Variants in DFFB observed in about 807,000 individuals in gnomAD.
DFFB encodes the protein DNA fragmentation factor 40 kDa subunit.
Under a neutral mutation model 32.7 loss-of-function variants are expected in DFFB, and 29 were observed. The ratio of observed to expected loss-of-function variants is 0.89; its 90% CI spans 0.66 to 1.21. The LOEUF (loss-of-function observed/expected upper bound fraction) is 1.21, where lower values mean the gene tolerates loss of function less well. Ranked by LOEUF, DFFB falls within the 50% of genes most tolerant of loss-of-function variation. The probability of loss-of-function intolerance (pLI) is 0.00; values close to 1 mark genes in which losing one functional copy is unlikely to be tolerated. For missense variants in DFFB, 398 were observed against 440.6 expected, an observed-to-expected ratio of 0.90 and a Z score of 0.87; for synonymous variants, 170 against 177.1, an observed-to-expected ratio of 0.96 and a Z score of 0.32.
At chr1:3,870,283 G>A (rs141219021) in intron 5 of DFFB, among the ~76,000 whole-genome samples, 38 of 152,312 alleles carry the variant, frequency 2.5e-4, no homozygotes, top group Non-Finnish European at 4.6e-4. Context: ...AACTTGAGGC[G>A]CCTCTTGGCG....
rs1638293938 is a variant in DFFB at position 3,884,295 on chromosome 1, C to G, written c.*554C>G. On this transcript the variant is annotated 3_prime_UTR_variant, in exon 7 of 7. Coordinates refer to ENST00000378209, the MANE Select transcript of DFFB (RefSeq NM_004402.4). ...ACGGGTCAGTAGGGATAAGAATTGTCTCTGGGCTGAGGAATTCTTCTGTTC... is the reference window on the plus strand; with the variant it reads ...ACGGGTCAGTAGGGATAAGAATTGTGTCTGGGCTGAGGAATTCTTCTGTTC... 1 of 156,764 alleles carries G rather than the reference C, an allele frequency of 6.4e-6. No homozygotes were observed. The highest frequency in any genetic ancestry group is 1.4e-5 in the Non-Finnish European group (1 of 70,750). The allele number at this position is 156,764 out of a possible 1,614,324, so 9.7% of individuals were successfully genotyped here. A position where few individuals can be genotyped will look rare whatever the true frequency, so the allele number is the denominator to read the frequency against.
Position 3,865,969 on chromosome 1 carries a change from G to A in DFFB, c.399G>A (p.Glu133=), listed in dbSNP as rs758272319. 1.3e-5 allele frequency: 21 copies of A among 1,579,084 alleles called. No homozygotes were observed. The African/African-American group carries it at 2.8e-4, about 21-fold the overall frequency. Residue 133 remains glutamate, a synonymous_variant, in exon 3 of 7, where the codon GAG becomes GAA. Coordinates refer to ENST00000378209, the MANE Select transcript of DFFB (RefSeq NM_004402.4). This position sits in a 1 kb window ranked among gnomAD's most constrained non-coding sequence, Gnocchi z 4.7. The part of the protein sequence containing the change: ...LHNVSQNIAA[E]TRAEDPPWFE... The stretch of plus-strand genomic sequence containing the variant: ...ACGTCAGCCAGAACATCGCGGCCGA[G>A]ACCCGGGCTGAGGACCCGCCGTGGT...
chr1:3,861,532 G>A (rs1009248069), intron 2 of DFFB, among the ~76,000 whole-genome samples: 3 of 152,088 alleles, frequency 2.0e-5, no homozygotes, highest in Admixed American at 2.0e-4. Context: ...GGGCTCAAGC[G>A]ATCCTCCTAC....
rs1387920329 is a variant in DFFB at position 3,884,285 on chromosome 1, T to TAA, written c.*545_*546dup. 6.3e-6 allele frequency: 1 copy of TAA among 158,998 alleles called. No homozygotes were observed. Among genetic ancestry groups the TAA allele is most frequent in the Non-Finnish European group, 1.4e-5 (1 of 71,882 alleles). The allele number at this position is 158,998 out of a possible 1,614,324, so 9.8% of individuals were successfully genotyped here. On this transcript the variant is annotated 3_prime_UTR_variant, in exon 7 of 7. Transcript: ENST00000378209. ...ACCTGGTCATACGGGTCAGTAGGGA[T>TAA]AAGAATTGTCTCTGGGCTGAGGAAT...
chr1:3,872,970 TTA>T (rs1471548591), intron 6 of DFFB: 1 of 1,250,326 alleles, frequency 8.0e-7, no homozygotes, highest in African/African-American at 1.6e-5. Context: ...GCTCCTGGTG[TTA>T]TGATAGGTAA....
At position 3,884,756 on chromosome 1, in the gene DFFB, A is replaced by T. The variant is rs45463695; in HGVS notation, c.*1015A>T. On this transcript the variant is annotated 3_prime_UTR_variant, in exon 7 of 7. Coordinates refer to ENST00000378209, the MANE Select transcript of DFFB (RefSeq NM_004402.4). ...CAGCTAATTTTTGTATGTTTAGTAG[A>T]AACGGGGTTTCACCATGTTGGCCAG... 38,272 of 152,028 alleles carry T rather than the reference A, an allele frequency of 0.25. 5,261 individuals carry two copies. The highest frequency in any genetic ancestry group is 0.32 in the Non-Finnish European group (21,903 of 67,970). 9.4% of individuals were successfully genotyped at this position (152,028 alleles called of 1,614,324 possible). A position where few individuals can be genotyped will look rare whatever the true frequency, so the allele number is the denominator to read the frequency against.
intron 6 of DFFB, among the ~76,000 whole-genome samples, chr1:3,877,862 TATTCTGTGCCGG>T (rs1645256518): frequency 1.3e-5 from 2 of 152,166 alleles, no homozygotes; most frequent in Admixed American, 6.5e-5. Context: ...GCCGGCTTTC[TATTCTGTGCCGG>T]CTTTCTCTCG....
chr1:3,883,915 G>GT lies in DFFB; in HGVS notation c.*174_*175insT, dbSNP rs1166402282. 4.4e-4 allele frequency: 265 copies of GT among 603,646 alleles called. 1 individual carries two copies. The highest frequency in any genetic ancestry group is 9.5e-4 in the South Asian group (44 of 46,114). The allele number at this position is 603,646 out of a possible 1,614,324, so 37.4% of individuals were successfully genotyped here. On this transcript the variant is annotated 3_prime_UTR_variant, in exon 7 of 7. Coordinates refer to ENST00000378209, the MANE Select transcript of DFFB (RefSeq NM_004402.4). ...TTTCATTACATTTCTGAATTGTTGG[G>GT]GTTTTTTTTGTTGTTTTGTTTTGTT...
At position 3,868,571 on chromosome 1, in the gene DFFB, C is replaced by T. The variant is rs569876137; in HGVS notation, c.510+518C>T. 9.2e-5 allele frequency among the ~76,000 whole-genome samples: 14 copies of T among 152,224 alleles called. No individual in the cohort carries two copies. In the South Asian group the frequency reaches 2.7e-3, roughly 29 times the overall value. Reference sequence around the variant, plus strand: ...CCATCGAATGTGGATTTCCTCATCACATAGCATGACATGCCACGCTACACC... The same window carrying T: ...CCATCGAATGTGGATTTCCTCATCATATAGCATGACATGCCACGCTACACC... On this transcript the variant is annotated intron_variant, in intron 4 of 6. Transcript: ENST00000378209.
chr1:3,863,495 C>A (rs1644916689), intron 2 of DFFB, among the ~76,000 whole-genome samples: 1 of 152,214 alleles, frequency 6.6e-6, no homozygotes, highest in South Asian at 2.1e-4. Flanking sequence ...TGTGACCCAG[C>A]AGCTCCACTC....
chr1:3,875,494 C>A (rs150661794), intron 6 of DFFB, among the ~76,000 whole-genome samples: 1 of 152,308 alleles, frequency 6.6e-6, no homozygotes, highest in African/African-American at 2.4e-5. Context: ...CCTACACACT[C>A]GCCATCCGTG....
chr1:3,882,618 G>T (rs1025617031), intron 6 of DFFB, among the ~76,000 whole-genome samples: 13 of 152,146 alleles, frequency 8.5e-5, no homozygotes, highest in Admixed American at 3.3e-4. Flanking sequence ...GCACGCCTCA[G>T]CCTCCCAAAG....
At chr1:3,876,529 G>A (rs186411454) in intron 6 of DFFB, among the ~76,000 whole-genome samples, 3 of 152,362 alleles carry the variant, frequency 2.0e-5, no homozygotes, top group African/African-American at 7.2e-5. Flanking sequence ...ACAGTGGTCT[G>A]TTTGCCACAG....
rs559993369 is a variant in DFFB at position 3,881,905 on chromosome 1, T to G, written c.783-1602T>G. On this transcript the variant is annotated intron_variant, in intron 6 of 6. Transcript: ENST00000378209. ...AAAAGGCGACTTTTGCTCAGCATTT[T>G]GTGGGTTGTAGGGAGAGGGGTCTGC... Among the ~76,000 whole-genome samples the G allele has an allele frequency of 2.0e-5, 3 of 151,550 alleles. No individual in the cohort carries two copies. In the East Asian group the frequency reaches 5.8e-4, roughly 29 times the overall value.
chr1:3,880,670 C>T (rs541409698), intron 6 of DFFB, among the ~76,000 whole-genome samples: 2 of 151,636 alleles, frequency 1.3e-5, no homozygotes, highest in African/African-American at 2.4e-5. Flanking sequence ...CAGTGTGTCA[C>T]GGTGCCTTCA....
chr1:3,872,109 G>A (rs1473894203), intron 5 of DFFB, among the ~76,000 whole-genome samples: 2 of 152,198 alleles, frequency 1.3e-5, no homozygotes, highest in Non-Finnish European at 2.9e-5. Flanking sequence ...CTCGGTGACT[G>A]AGACTGTATG....
At chr1:3,880,416 T>C (rs561942672) in intron 6 of DFFB, among the ~76,000 whole-genome samples, 1 of 152,336 alleles carries the variant, frequency 6.6e-6, no homozygotes, top group South Asian at 2.1e-4. Context: ...CACTGGGGGA[T>C]CTGCGAGTCC....
chr1:3,881,406 G>T (rs1645334741), intron 6 of DFFB, among the ~76,000 whole-genome samples: 1 of 152,220 alleles, frequency 6.6e-6, no homozygotes, highest in Non-Finnish European at 1.5e-5. Context: ...CCCCCTTAAT[G>T]GCTATGGCAG....
At chr1:3,873,852 A>G (rs1444337398) in intron 6 of DFFB, among the ~76,000 whole-genome samples, 1 of 152,238 alleles carries the variant, frequency 6.6e-6, no homozygotes, top group East Asian at 1.9e-4. Flanking sequence ...AAAAAATCCC[A>G]AATCCAAAAC....
Sources: allele counts gnomAD v4.1 joint callset (sites outside exome capture counted in the v4.1 genomes callset), GRCh38; gene constraint gnomAD v4.1.1; non-coding constraint Gnocchi (gnomAD v3.1); transcripts MANE v1.5; gene names NCBI Gene and HGNC (gene_info 2026-07-23, HGNC 2026-07-21).